The following LGR6 variants were observed in gnomAD, a reference collection of about 807,000 sequenced individuals.
The protein encoded by LGR6 is leucine rich repeat containing G protein-coupled receptor 6.
A neutral mutation model predicts 69.4 loss-of-function variants in LGR6; 45 were observed. The observed-to-expected ratio is 0.65, with a 90% CI of 0.51 to 0.83. The LOEUF is 0.83. Among genes scored for constraint, LGR6 ranks in the 40% least tolerant of loss-of-function variants. LGR6 has a pLI of 0.00. For missense variants in LGR6, 1,108 were observed against 1,246.7 expected, an observed-to-expected ratio of 0.89 and a Z score of 1.68; for synonymous variants, 538 against 555.0, an observed-to-expected ratio of 0.97 and a Z score of 0.43.
chr1:202,285,074 G>A (rs558375949), intron 6 of LGR6, among the ~76,000 whole-genome samples: 2 of 152,214 alleles, frequency 1.3e-5, no homozygotes, highest in South Asian at 4.1e-4. Flanking sequence ...GGGCAAAGAA[G>A]AAATGTATTG....
intron 1 of LGR6, among the ~76,000 whole-genome samples, chr1:202,219,885 TA>T (rs1395399468): frequency 6.6e-6 from 1 of 152,176 alleles, no homozygotes; most frequent in Non-Finnish European, 1.5e-5. Flanking sequence ...TTATTTTATT[TA>T]TTTTTTTTGA....
chr1:202,225,732 CTT>C, intron 2 of LGR6, among the ~76,000 whole-genome samples: 1 of 152,228 alleles, frequency 6.6e-6, no homozygotes, highest in East Asian at 1.9e-4. Context: ...ACCAGCTCCT[CTT>C]TGCAGCATTC....
intron 4 of LGR6, among the ~76,000 whole-genome samples, chr1:202,247,945 C>T (rs778948696): frequency 1.4e-4 from 22 of 152,182 alleles, no homozygotes; most frequent in Middle Eastern, 3.2e-3. Context: ...TCCTCCCCAG[C>T]GCCTCAGCCA....
chr1:202,204,263 AACACAC>A (rs1428205931), intron 1 of LGR6, among the ~76,000 whole-genome samples: 1 of 131,330 alleles, frequency 7.6e-6, no homozygotes, highest in African/African-American at 2.9e-5. Context: ...ACAACCTCCA[AACACAC>A]ACACACCTCC....
intron 6 of LGR6, among the ~76,000 whole-genome samples, chr1:202,288,188 CA>C (rs932941342): frequency 2.6e-5 from 4 of 152,188 alleles, no homozygotes; most frequent in Admixed American, 2.6e-4. Flanking sequence ...CCATTATCCA[CA>C]TGGTTTACTT....
At chr1:202,280,103 T>G (rs1054510474) in intron 5 of LGR6, among the ~76,000 whole-genome samples, 1 of 152,234 alleles carries the variant, frequency 6.6e-6, no homozygotes, top group African/African-American at 2.4e-5. Context: ...TTTCATAATT[T>G]CCATGTAATG....
chr1:202,204,733 A>G (rs1659035223), intron 1 of LGR6, among the ~76,000 whole-genome samples: 1 of 16,144 alleles, frequency 6.2e-5, no homozygotes, highest in African/African-American at 1.4e-4. Flanking sequence ...TCCTTCAAAC[A>G]CACACACACC....
chr1:202,304,683 TC>T, intron 11 of LGR6, 53 bp downstream of exon 11: 1 of 1,450,504 alleles, frequency 6.9e-7, no homozygotes, highest in Non-Finnish European at 9.6e-7. Context: ...TACCCCCATG[TC>T]CCACAAAAGG....
intron 1 of LGR6, among the ~76,000 whole-genome samples, chr1:202,201,184 C>T (rs113592109): frequency 0.016 from 2,388 of 152,282 alleles, 62 homozygotes; most frequent in African/African-American, 0.054. Flanking sequence ...TGCTCCAGCA[C>T]GGTGAGGATA....
chr1:202,292,916 G>C (rs1299957130), intron 6 of LGR6, among the ~76,000 whole-genome samples: 2 of 152,236 alleles, frequency 1.3e-5, no homozygotes, highest in East Asian at 3.8e-4. Context: ...GGAGAAAAGA[G>C]AGAGTAGATT....
chr1:202,205,703 C>A (rs1440975916), intron 1 of LGR6, among the ~76,000 whole-genome samples: 7 of 141,692 alleles, frequency 4.9e-5, no homozygotes, highest in African/African-American at 1.8e-4. Flanking sequence ...AACATACACA[C>A]ACACCCCTAA....
intron 1 of LGR6, among the ~76,000 whole-genome samples, chr1:202,203,386 C>A (rs371998799): frequency 6.6e-6 from 1 of 152,194 alleles, no homozygotes; most frequent in African/African-American, 2.4e-5. Flanking sequence ...CAGCGCAGTT[C>A]GGTAGAGTGT....
At chr1:202,213,289 C>T (rs1337368093) in intron 1 of LGR6, among the ~76,000 whole-genome samples, 2 of 152,160 alleles carry the variant, frequency 1.3e-5, no homozygotes, top group African/African-American at 2.4e-5. Flanking sequence ...GCTGTTACTT[C>T]GTCCCAGGGC....
chr1:202,219,050 A>G (rs998699903), intron 1 of LGR6, among the ~76,000 whole-genome samples: 1 of 152,154 alleles, frequency 6.6e-6, no homozygotes, highest in Non-Finnish European at 1.5e-5. Flanking sequence ...GGAACTTAGC[A>G]TTCGTCTAAT....
intron 3 of LGR6, 69 bp downstream of exon 3, chr1:202,228,076 A>G: frequency 3.5e-6 from 4 of 1,132,086 alleles, no homozygotes; most frequent in Non-Finnish European, 2.7e-6. Flanking sequence ...TCAAAGTTTT[A>G]GAACCCAAGT....
intron 4 of LGR6, among the ~76,000 whole-genome samples, chr1:202,262,431 C>T (rs1664308978): frequency 6.6e-6 from 1 of 152,034 alleles, no homozygotes; most frequent in African/African-American, 2.4e-5. Flanking sequence ...GGGCTCTGTT[C>T]TGTTCCATTG....
rs1387708429 is a variant in LGR6, at chr1:202,318,358, C to T, written c.2055C>T (p.Ser685=). 9 of 1,599,042 alleles carry T rather than the reference C, an allele frequency of 5.6e-6. No homozygotes were observed. Among genetic ancestry groups the T allele is most frequent in the Non-Finnish European group, 7.7e-6 (9 of 1,172,572 alleles). The change falls in exon 18 of 18, where the codon AGC becomes AGT. Residue 685 remains serine (S), a synonymous_variant. Coordinates refer to ENST00000367278, the MANE Select transcript of LGR6 (RefSeq NM_001017403.2). ...ATGGGAAGTCCCCCTCCCTGGGCAG[C>T]GTTCGAGCAGGGGTCCTAGGCTGCC... is the stretch of plus-strand genomic sequence containing the variant. ...RAYGKSPSLG[S]VRAGVLGCLA...
At chr1:202,202,070 G>T in intron 1 of LGR6, among the ~76,000 whole-genome samples, 1 of 152,090 alleles carries the variant, frequency 6.6e-6, no homozygotes, top group East Asian at 1.9e-4. Flanking sequence ...GGACCGAGGT[G>T]GCCAGGGAAG....
chr1:202,276,564 G>A, intron 5 of LGR6, 43 bp downstream of exon 5: 1 of 1,481,780 alleles, frequency 6.7e-7, no homozygotes, highest in Non-Finnish European at 9.3e-7. Context: ...GGTCCTGCTG[G>A]GGGCTGGGGG....
Sources: allele counts gnomAD v4.1 joint callset (sites outside exome capture counted in the v4.1 genomes callset), GRCh38; gene constraint gnomAD v4.1.1; transcripts MANE v1.5; gene names NCBI Gene and HGNC (gene_info 2026-07-23, HGNC 2026-07-21).